The following MCF2L variants were observed in gnomAD, a reference collection of about 807,000 sequenced individuals.
The protein encoded by MCF2L is guanine nucleotide exchange factor DBS.
A neutral mutation model predicts 153.4 loss-of-function variants in MCF2L; 97 were observed. The ratio of observed to expected loss-of-function variants is 0.63; its 90% CI spans 0.54 to 0.75. MCF2L has a LOEUF of 0.75. Ranked by LOEUF, MCF2L falls within the 30% of genes least tolerant of loss-of-function variation. MCF2L has a pLI of 0.00. For synonymous variants in MCF2L, 659 were observed against 632.2 expected (o/e 1.04, Z -0.64); for missense variants, 1,347 against 1,495.2 (o/e 0.90, Z 1.64).
intron 1 of MCF2L, among the ~76,000 whole-genome samples, chr13:112,991,368 G>A (rs938599948): frequency 2.7e-5 from 4 of 150,676 alleles, no homozygotes; most frequent in Admixed American, 2.6e-4. Context: ...GTGTTTTGGG[G>A]GGCATCTCCC....
At chr13:112,984,438 A>C (rs975843216) in intron 1 of MCF2L, among the ~76,000 whole-genome samples, 2 of 152,192 alleles carry the variant, frequency 1.3e-5, no homozygotes, top group African/African-American at 4.8e-5. Flanking sequence ...GAGTTTCGCC[A>C]TGTTGGCCAG....
chr13:113,006,860 G>A (rs2083735133), intron 1 of MCF2L, among the ~76,000 whole-genome samples: 1 of 152,238 alleles, frequency 6.6e-6, no homozygotes, highest in Admixed American at 6.5e-5. Flanking sequence ...CCCAAGGGCA[G>A]GCCCAGGTCT....
chr13:113,044,413 G>A (rs1200246424), intron 3 of MCF2L: 1 of 416,186 alleles, frequency 2.4e-6, no homozygotes, highest in Non-Finnish European at 4.5e-6. Flanking sequence ...CTCACAGAGA[G>A]CGGCCACGCC....
chr13:113,052,234 G>A (rs1384931961), intron 4 of MCF2L, among the ~76,000 whole-genome samples: 1 of 152,114 alleles, frequency 6.6e-6, no homozygotes, highest in African/African-American at 2.4e-5. Context: ...AAGATAAACA[G>A]AGAAAAAGAA....
intron 1 of MCF2L, among the ~76,000 whole-genome samples, chr13:112,991,718 T>G (rs2993289): frequency 0.89 from 135,402 of 152,166 alleles, 61,079 homozygotes; most frequent in Non-Finnish European, 0.98. Flanking sequence ...TCTGCAGCAG[T>G]CTGTGCTCCC....
At chr13:113,085,239 C>CGCCCTG in intron 20 of MCF2L, 61 bp downstream of exon 20, 3 of 1,516,360 alleles carry the variant, frequency 2.0e-6, no homozygotes, top group South Asian at 2.3e-5. Flanking sequence ...GTGTCTGTGC[C>CGCCCTG]GCCCTGGGGC....
At chr13:113,007,673 G>C (rs1024326307) in intron 1 of MCF2L, among the ~76,000 whole-genome samples, 3 of 152,214 alleles carry the variant, frequency 2.0e-5, no homozygotes, top group African/African-American at 7.2e-5. Context: ...GTGCAAACGC[G>C]GTTCGGCGGC....
At chr13:112,899,565 G>A (rs2081100923) in intron 1 of MCF2L, among the ~76,000 whole-genome samples, 1 of 152,222 alleles carries the variant, frequency 6.6e-6, no homozygotes, top group African/African-American at 2.4e-5. Context: ...TAACTCTGGT[G>A]TCCTTCACCA....
At chr13:112,981,298 G>A (rs2082416729) in intron 1 of MCF2L, among the ~76,000 whole-genome samples, 1 of 152,196 alleles carries the variant, frequency 6.6e-6, no homozygotes, top group African/African-American at 2.4e-5. Context: ...GGGAGCAGGA[G>A]AATGCAGGAG....
intron 2 of MCF2L, among the ~76,000 whole-genome samples, chr13:112,914,036 C>A (rs899071828): frequency 5.9e-5 from 9 of 152,210 alleles, no homozygotes; most frequent in East Asian, 3.8e-4. Context: ...CCCTTCTCCC[C>A]CTGTGAGCCA....
intron 2 of MCF2L, among the ~76,000 whole-genome samples, chr13:112,923,980 A>G (rs2081379024): frequency 1.3e-5 from 2 of 152,118 alleles, no homozygotes; most frequent in South Asian, 4.1e-4. Context: ...AATCCAGGAG[A>G]TGCATTTTTG....
intron 3 of MCF2L, among the ~76,000 whole-genome samples, chr13:113,025,904 T>C (rs12867678): frequency 2.0e-3 from 86 of 44,062 alleles, no homozygotes; most frequent in African/African-American, 7.2e-3. Flanking sequence ...GTTTCCCCAT[T>C]GTGGGGTCCC....
intron 1 of MCF2L, among the ~76,000 whole-genome samples, chr13:112,980,732 G>A (rs1012390188): frequency 5.5e-5 from 8 of 145,200 alleles, no homozygotes; most frequent in South Asian, 2.2e-4. Context: ...TCAGCTGAGC[G>A]TGCACCGTGT....
chr13:113,033,282 C>CCA (rs1566772909), intron 3 of MCF2L, among the ~76,000 whole-genome samples: 36 of 134,658 alleles, frequency 2.7e-4, no homozygotes, highest in Non-Finnish European at 4.4e-4. Flanking sequence ...TGAGTGGCCC[C>CCA]TGTGACATTA....
chr13:113,093,145 A>G (rs2035362561), intron 26 of MCF2L, among the ~76,000 whole-genome samples: 1 of 152,246 alleles, frequency 6.6e-6, no homozygotes, highest in Non-Finnish European at 1.5e-5. Context: ...CAGGCCCCAC[A>G]GGCCAGTCCC....
At chr13:113,086,377 G>C in intron 21 of MCF2L, 128 bp downstream of exon 21, 1 of 1,397,066 alleles carries the variant, frequency 7.2e-7, no homozygotes. Context: ...AGGAGGTCTG[G>C]GGTGGTCCCT....
chr13:112,941,819 A>G lies in MCF2L; in HGVS notation c.169+39448A>G, dbSNP rs2081577906. Among the ~76,000 whole-genome samples, 1 of 152,232 alleles carries G rather than the reference A, an allele frequency of 6.6e-6. No homozygotes were observed. Among genetic ancestry groups the G allele is most frequent in the South Asian group, 2.1e-4 (1 of 4,832 alleles). On this transcript the variant is annotated intron_variant, in intron 2 of 29. Transcript: ENST00000375608. The surrounding 1 kb of genome is among the most constrained non-coding windows in gnomAD (Gnocchi z 4.9). ...CCAATATTATAATAATCCTTGCTCT[A>G]CAATCATAACCTAGGAAAAACCAGG...
rs1566769025 is a variant in MCF2L at position 113,031,586 on chromosome 13, CG to C, written c.278+6832del. ...CAGAATGCAGGGTGGAGGGAGAATG[CG>C]GGGTGGAGGGAGGAGCTGGGAGATG... On this transcript the variant is annotated intron_variant, in intron 3 of 29. Coordinates refer to ENST00000535094, the MANE Select transcript of MCF2L (RefSeq NM_001112732.3). The surrounding 1 kb of genome is among the most constrained non-coding windows in gnomAD (Gnocchi z 5.5). Among the ~76,000 whole-genome samples the C allele has an allele frequency of 6.6e-6, 1 of 150,924 alleles. No homozygotes were observed. Among genetic ancestry groups the C allele is most frequent in the Non-Finnish European group, 1.5e-5 (1 of 67,790 alleles).
chr13:112,953,677 C>T (rs1216437292), intron 2 of MCF2L, among the ~76,000 whole-genome samples: 1 of 152,228 alleles, frequency 6.6e-6, no homozygotes, highest in Admixed American at 6.5e-5. Context: ...TTTGTCTGCC[C>T]CCAGCTGACC....
Sources: gnomAD v4.1 joint callset for allele counts (sites outside exome capture counted in the v4.1 genomes callset) on GRCh38, gnomAD v4.1.1 for gene constraint, Gnocchi (gnomAD v3.1) non-coding constraint, MANE v1.5 for transcripts, NCBI Gene and HGNC (gene_info 2026-07-23, HGNC 2026-07-21) for gene names.